The following VAV2 variants were observed in gnomAD, a reference collection of about 807,000 sequenced individuals.
VAV2 encodes guanine nucleotide exchange factor VAV2.
In VAV2, 67 loss-of-function variants were observed where a neutral mutation model predicts 132.5. That is an observed-to-expected ratio of 0.51 (90% CI 0.42 to 0.62). The LOEUF is 0.62. Among genes scored for constraint, VAV2 ranks in the 20% least tolerant of loss-of-function variants. The probability of loss-of-function intolerance (pLI) is 0.00; values close to 1 mark genes in which losing one functional copy is unlikely to be tolerated. For synonymous variants in VAV2, 492 were observed against 443.5 expected, an observed-to-expected ratio of 1.11 and a Z score of -1.37; for missense variants, 938 against 1,153.6, an observed-to-expected ratio of 0.81 and a Z score of 2.71.
intron 18 of VAV2, among the ~76,000 whole-genome samples, chr9:133,783,842 G>A (rs938261533): frequency 1.5e-4 from 22 of 149,846 alleles, no homozygotes; most frequent in African/African-American, 3.2e-4. Context: ...ATCACCTCCC[G>A]GCTAGATCTG....
chr9:133,904,963 T>A (rs1839588142), intron 2 of VAV2, among the ~76,000 whole-genome samples: 1 of 152,128 alleles, frequency 6.6e-6, no homozygotes, highest in Non-Finnish European at 1.5e-5. Context: ...AGGGAGGGGA[T>A]GCAGGGAGCG....
chr9:133,780,651 G>A (rs1833974891), intron 20 of VAV2, 43 bp downstream of exon 20: 2 of 1,295,462 alleles, frequency 1.5e-6, no homozygotes, highest in African/African-American at 1.5e-5. Context: ...CAGGGATGTG[G>A]CGGGGGTGGG....
chr9:133,803,848 T>C (rs1012193856), intron 9 of VAV2, among the ~76,000 whole-genome samples: 3 of 152,122 alleles, frequency 2.0e-5, no homozygotes, highest in African/African-American at 7.2e-5. Flanking sequence ...CCTCCAGCCC[T>C]TCCCTGGAGA....
intron 25 of VAV2, among the ~76,000 whole-genome samples, chr9:133,773,652 TTTG>T (rs148817974): frequency 0.37 from 56,107 of 151,356 alleles, 10,936 homozygotes; most frequent in Non-Finnish European, 0.44. Flanking sequence ...GTTTTTTTTC[TTTG>T]TTGTTGTTGT....
intron 3 of VAV2, among the ~76,000 whole-genome samples, chr9:133,859,472 C>T (rs1436781764): frequency 6.6e-6 from 1 of 152,190 alleles, no homozygotes; most frequent in Non-Finnish European, 1.5e-5. Context: ...TCAGGTCACT[C>T]GTCTGACGTG....
intron 2 of VAV2, among the ~76,000 whole-genome samples, chr9:133,894,855 T>C (rs2810469): frequency 0.99 from 150,785 of 152,310 alleles, 74,652 homozygotes; most frequent in East Asian, 1. Flanking sequence ...GCTATGACCC[T>C]AGGCAGGGTC....
intron 25 of VAV2, among the ~76,000 whole-genome samples, chr9:133,772,579 G>A (rs1833668174): frequency 6.6e-6 from 1 of 152,116 alleles, no homozygotes; most frequent in Non-Finnish European, 1.5e-5. Context: ...CAATTCAAAT[G>A]TGACCTTACA....
chr9:133,790,615 C>T (rs1834416888), intron 13 of VAV2, among the ~76,000 whole-genome samples: 1 of 152,224 alleles, frequency 6.6e-6, no homozygotes, highest in Non-Finnish European at 1.5e-5. Context: ...AGCACGGACC[C>T]GCCAGGTGCT....
chr9:133,763,893 A>G lies in VAV2; in HGVS notation c.*169T>C. 1 of 782,062 alleles carries G rather than the reference A, an allele frequency of 1.3e-6. No individual in the cohort carries two copies. The highest frequency in any genetic ancestry group is 2.1e-6 in the Non-Finnish European group (1 of 480,836). 48.4% of individuals were successfully genotyped at this position (782,062 alleles called of 1,614,324 possible). On this transcript the variant is annotated 3_prime_UTR_variant, in exon 30 of 30. Coordinates refer to ENST00000371850, the MANE Select transcript of VAV2 (RefSeq NM_001134398.2). The surrounding 1 kb of genome is among the most constrained non-coding windows in gnomAD (Gnocchi z 6.8). ...GATGGGTCGCCGAGGGCAGGCTGAC[A>G]GTGAAACGGTTCGAGTTTAGGATTC...
chr9:133,871,153 T>C (rs1214852583), intron 2 of VAV2, among the ~76,000 whole-genome samples: 2 of 144,136 alleles, frequency 1.4e-5, no homozygotes, highest in African/African-American at 5.3e-5. Context: ...GGCAGATGGA[T>C]GGGTGGGCAG....
intron 2 of VAV2, among the ~76,000 whole-genome samples, chr9:133,899,736 G>T (rs1456771135): frequency 4.0e-5 from 6 of 148,526 alleles, no homozygotes; most frequent in Admixed American, 6.7e-5. Flanking sequence ...AAATTAGCTG[G>T]GTGTGCCGGG....
chr9:133,937,445 CTGTG>C (rs1158499567), intron 2 of VAV2, among the ~76,000 whole-genome samples: 3 of 137,094 alleles, frequency 2.2e-5, no homozygotes, highest in Admixed American at 7.4e-5. Context: ...TGTATGTGAG[CTGTG>C]TGTGTCTGAG....
chr9:133,898,577 C>T (rs1223128929), intron 2 of VAV2, among the ~76,000 whole-genome samples: 1 of 152,058 alleles, frequency 6.6e-6, no homozygotes, highest in African/African-American at 2.4e-5. Flanking sequence ...CTGGGCGACA[C>T]AGCGAGACTC....
intron 3 of VAV2, among the ~76,000 whole-genome samples, chr9:133,855,403 G>A (rs1199163475): frequency 6.6e-6 from 1 of 152,216 alleles, no homozygotes; most frequent in Non-Finnish European, 1.5e-5. Context: ...AGTCAAGGAC[G>A]CAGCCCTCAC....
intron 2 of VAV2, among the ~76,000 whole-genome samples, chr9:133,914,525 C>T (rs1839989212): frequency 6.9e-6 from 1 of 145,686 alleles, no homozygotes; most frequent in Middle Eastern, 3.4e-3. Flanking sequence ...CAGCGTGTGA[C>T]TCTGGTGACC....
chr9:133,796,124 T>C (rs769955046), intron 11 of VAV2, among the ~76,000 whole-genome samples: 6 of 152,240 alleles, frequency 3.9e-5, no homozygotes, highest in Non-Finnish European at 7.3e-5. Flanking sequence ...ATTTCTGCCA[T>C]GGCCACCAGG....
intron 2 of VAV2, among the ~76,000 whole-genome samples, chr9:133,894,112 G>A (rs113494289): frequency 0.084 from 12,763 of 152,302 alleles, 683 homozygotes; most frequent in Admixed American, 0.12. Context: ...GAAGCTGCAC[G>A]GGTGAGACCC....
At chr9:133,810,149 C>T (rs752860336) in intron 6 of VAV2, 42 bp downstream of exon 6, 13 of 1,611,980 alleles carry the variant, frequency 8.1e-6, no homozygotes, top group Admixed American at 3.3e-5. Flanking sequence ...AAGAAGACGG[C>T]GCAGGCAGGA....
chr9:133,924,602 CCT>C (rs1258579991), intron 2 of VAV2, among the ~76,000 whole-genome samples: 10 of 152,214 alleles, frequency 6.6e-5, no homozygotes, highest in African/African-American at 2.4e-4. Context: ...CAGGCCTGCC[CCT>C]GAGCTCAGAC....
Sources: gnomAD v4.1 joint callset for allele counts (sites outside exome capture counted in the v4.1 genomes callset) on GRCh38, gnomAD v4.1.1 for gene constraint, Gnocchi (gnomAD v3.1) non-coding constraint, MANE v1.5 for transcripts, NCBI Gene and HGNC (gene_info 2026-07-23, HGNC 2026-07-21) for gene names.